Variants in EIF5A observed in about 807,000 individuals in gnomAD.
EIF5A encodes the protein eukaryotic translation initiation factor 5A-1.
Under a neutral mutation model 16.6 loss-of-function variants are expected in EIF5A, and 1 was observed. The observed-to-expected ratio is 0.06, with a 90% CI of 0.02 to 0.28. EIF5A has a LOEUF of 0.28. Ranked by LOEUF, EIF5A falls within the 10% of genes least tolerant of loss-of-function variation. The pLI is 1.00. For synonymous variants in EIF5A, 80 were observed against 73.6 expected, an observed-to-expected ratio of 1.09 and a Z score of -0.44; for missense variants, 29 against 196.1, an observed-to-expected ratio of 0.15 and a Z score of 5.09.
At position 7,311,400 on chromosome 17, in the gene EIF5A, G is replaced by A. The variant is rs1362608275; in HGVS notation, c.321G>A (p.Glu107=). 1.9e-6 allele frequency: 3 copies of A among 1,614,000 alleles called. No homozygotes were observed. Among genetic ancestry groups the A allele is most frequent in the African/African-American group, 2.7e-5 (2 of 74,886 alleles). ...TATCACTGCTCCAGGACAGCGGGGA[G>A]GTACGAGAGGACCTTCGTCTCCCTG... ...GYLSLLQDSG[E]VREDLRLPEG... The change falls in exon 4 of 6, where the codon GAG becomes GAA. Residue 107 remains glutamate, a synonymous_variant. Transcript: ENST00000336458.
At chr17:7,311,298 GTCAGCCTCCCTGGGCCTACTACCT>G (rs1382070776) in intron 3 of EIF5A, 28 bp from the exon 4 acceptor site, 94 of 1,613,298 alleles carry the variant, frequency 5.8e-5, no homozygotes, top group Non-Finnish European at 7.3e-5. Flanking sequence ...TTACTGTCAT[GTCAGCCTCCCTGGGCCTACTACCT>G]TCAGCCTCCT....
At chr17:7,307,001 C>G (rs2072642571), upstream of EIF5A, 3 of 1,525,040 alleles carry the variant, frequency 2.0e-6, no homozygotes, top group South Asian at 3.8e-5. Flanking sequence ...GGAACCCGAC[C>G]ACACTAGCGC....
chr17:7,307,015 A>G (rs768697937), upstream of EIF5A: 59 of 1,564,002 alleles, frequency 3.8e-5, no homozygotes, highest in South Asian at 4.2e-4. Flanking sequence ...CTAGCGCGCT[A>G]GAAGAGTGGG....
At chr17:7,308,865 C>T (rs891079783) in intron 1 of EIF5A, among the ~76,000 whole-genome samples, 5 of 152,218 alleles carry the variant, frequency 3.3e-5, no homozygotes, top group Non-Finnish European at 7.3e-5. Context: ...CCCCCCACCT[C>T]TCCCACTTTC....
rs1201823480 is a variant in EIF5A, at chr17:7,311,964, T to C, written c.*154T>C. On this transcript the variant is annotated 3_prime_UTR_variant, in exon 6 of 6. Transcript: ENST00000336458. The stretch of plus-strand genomic sequence containing the variant: ...ATTTTGGTTTTCCCCACCCCCTCAA[T>C]CTGTCGGGGAGCCCCTGCCCTTCAC... The C allele has an allele frequency of 2.3e-6, 1 of 438,108 alleles. No individual in the cohort carries two copies. The highest frequency in any genetic ancestry group is 2.0e-5 in the African/African-American group (1 of 49,936). The allele number at this position is 438,108 out of a possible 1,614,324, so 27.1% of individuals were successfully genotyped here.
chr17:7,310,119 ACTTTTTCTTTCTTCCCTTGAG>A, intron 2 of EIF5A: 1 of 1,338,934 alleles, frequency 7.5e-7, no homozygotes, highest in South Asian at 1.2e-5. Context: ...CTTGGTTTTC[ACTTTTTCTTTCTTCCCTTGAG>A]CCGTTGTTAA....
At chr17:7,308,306 T>C in intron 1 of EIF5A, 1 of 1,150,704 alleles carries the variant, frequency 8.7e-7, no homozygotes, top group Non-Finnish European at 1.1e-6. Context: ...CGGGGCCGCA[T>C]GGCAGCGCGG....
In EIF5A at chr17:7,310,276, T is replaced by C. The variant is rs138558096; in HGVS notation, c.165+476T>C. 1.1e-5 allele frequency: 14 copies of C among 1,288,382 alleles called. No individual in the cohort carries two copies. The East Asian group carries it at 7.8e-4, about 72-fold the overall frequency. The allele number at this position is 1,288,382 out of a possible 1,614,324, so 79.8% of individuals were successfully genotyped here. On this transcript the variant is annotated intron_variant, in intron 2 of 5. Coordinates refer to ENST00000336458, the MANE Select transcript of EIF5A (RefSeq NM_001970.5). ...TCGTTCCCCAGTTCTAGCTTTCCCTTTGGAACTCTGACGCAGGATCAAACT... is the reference window on the plus strand; with the variant it reads ...TCGTTCCCCAGTTCTAGCTTTCCCTCTGGAACTCTGACGCAGGATCAAACT...
rs2072848272 is a variant in EIF5A, at chr17:7,312,108, T to C, written c.*298T>C. The C allele has an allele frequency of 8.0e-6, 1 of 125,406 alleles. No homozygotes were observed. Among genetic ancestry groups the C allele is most frequent in the Non-Finnish European group, 1.7e-5 (1 of 58,068 alleles). The allele number at this position is 125,406 out of a possible 1,614,324, so 7.8% of individuals were successfully genotyped here. ...GGGGTGGGTGCTGCTTGTGGTTTAG[T>C]CTTTTTTTTTTTTTTTTTTTTAATT... On this transcript the variant is annotated 3_prime_UTR_variant, in exon 6 of 6. Coordinates refer to ENST00000336458, the MANE Select transcript of EIF5A (RefSeq NM_001970.5).
intron 1 of EIF5A, among the ~76,000 whole-genome samples, chr17:7,309,411 A>G (rs1181787747): frequency 6.6e-6 from 1 of 152,084 alleles, no homozygotes; most frequent in Non-Finnish European, 1.5e-5. Flanking sequence ...TGGGGGAGAA[A>G]CCAGCTATTC....
chr17:7,308,529 G>A lies in EIF5A; in HGVS notation c.-22+777G>A, dbSNP rs187065604. 2,990 of 1,351,666 alleles carry A rather than the reference G, an allele frequency of 2.2e-3. 15 individuals carry two copies. The highest frequency in any genetic ancestry group is 7.4e-3 in the South Asian group (647 of 87,940). 83.7% of individuals were successfully genotyped at this position (1,351,666 alleles called of 1,614,324 possible). On this transcript the variant is annotated intron_variant, in intron 1 of 5. Transcript: ENST00000336458. ...CGCTTCCCAACCTCAAGGGCCCCAG[G>A]AGCTTTCCTGAAAAACCCTCCTGTG...
intron 1 of EIF5A, chr17:7,308,218 G>A (rs906326688): frequency 6.8e-6 from 7 of 1,030,416 alleles, no homozygotes; most frequent in South Asian, 2.4e-5. Context: ...TCTCTGAGGA[G>A]GGGGCGGCCG....
At chr17:7,308,070 G>A (rs1187667720) in intron 1 of EIF5A, 3 of 988,052 alleles carry the variant, frequency 3.0e-6, no homozygotes, top group Non-Finnish European at 3.6e-6. Flanking sequence ...CCGGGGCAAG[G>A]GTACCTGGGC....
intron 1 of EIF5A, chr17:7,308,166 G>A (rs1209062740): frequency 1.1e-5 from 5 of 445,192 alleles, no homozygotes; most frequent in South Asian, 9.1e-5. Context: ...GTTGGCGGAC[G>A]GCCGGGGGGA....
intron 1 of EIF5A, chr17:7,308,394 C>CG (rs1281325911): frequency 8.1e-7 from 1 of 1,230,380 alleles, no homozygotes; most frequent in Non-Finnish European, 1.0e-6. Context: ...GCCCCTAGCG[C>CG]GGGGAGCTAG....
intron 1 of EIF5A, chr17:7,308,478 G>C (rs780042449): frequency 1.2e-5 from 16 of 1,348,740 alleles, no homozygotes; most frequent in Non-Finnish European, 1.6e-5. Context: ...AATCACCCCG[G>C]AGGGCCTGCT....
Position 7,311,564 on chromosome 17 carries a change from TCTTG to T in EIF5A, c.403-10_403-7del, listed in dbSNP as rs745443236. The stretch of plus-strand genomic sequence containing the variant: ...AGCTCAGACATCTCTTGGCTATCCC[TCTTG>T]CTTCTCCAGATCACGGTGCTGTCTG... On this transcript the variant is annotated splice_polypyrimidine_tract_variant and intron_variant, in intron 4 of 5. Transcript: ENST00000336458. 6.2e-7 allele frequency: 1 copy of T among 1,614,190 alleles called. No homozygotes were observed.
chr17:7,309,190 C>CA lies in EIF5A; in HGVS notation c.-21-425_-21-424insA, dbSNP rs146252833. 4.4e-3 allele frequency among the ~76,000 whole-genome samples: 676 copies of CA among 151,996 alleles called. 8 individuals carry two copies. The highest frequency in any genetic ancestry group is 0.016 in the African/African-American group (649 of 41,464). ...TCCTCCGGTCTCCACCCTCCCCCCC[C>CA]CCAATTAGCCCTGCCCTTTTGCTGG... is the stretch of plus-strand genomic sequence containing the variant. On this transcript the variant is annotated intron_variant, in intron 1 of 5. Transcript: ENST00000336458.
intron 1 of EIF5A, 119 bp downstream of exon 1, chr17:7,307,871 G>C: frequency 2.0e-6 from 2 of 983,630 alleles, no homozygotes; most frequent in Non-Finnish European, 2.4e-6. Context: ...CACGGGTTCG[G>C]CCAGAGAGCG....
Sources: gnomAD v4.1 joint callset for allele counts (sites outside exome capture counted in the v4.1 genomes callset) on GRCh38, gnomAD v4.1.1 for gene constraint, MANE v1.5 for transcripts, NCBI Gene and HGNC (gene_info 2026-07-23, HGNC 2026-07-21) for gene names.